The following AVL9 variants were observed in gnomAD, a reference collection of about 807,000 sequenced individuals.
AVL9 encodes the protein late secretory pathway protein AVL9 homolog.
In AVL9, 49 loss-of-function variants were observed where a neutral mutation model predicts 79.2. The ratio of observed to expected loss-of-function variants is 0.62; its 90% CI spans 0.49 to 0.79. AVL9 has a LOEUF of 0.79. Ranked by LOEUF, AVL9 falls within the 30% of genes least tolerant of loss-of-function variation. AVL9 has a pLI of 0.00. For missense variants in AVL9, 682 were observed against 776.8 expected (o/e 0.88, Z 1.45); for synonymous variants, 299 against 280.6 (o/e 1.07, Z -0.65).
chr7:32,570,021 G>T lies in AVL9; in HGVS notation c.1217G>T (p.Gly406Val). 1.2e-6 allele frequency: 2 copies of T among 1,614,054 alleles called. No homozygotes were observed. The highest frequency in any genetic ancestry group is 1.7e-6 in the Non-Finnish European group (2 of 1,179,954). ...TTCTATTACTCTTCTAATTCATAGGGATATCTGTGTTTGCCTTACATGGCA... is the reference window on the plus strand; with the variant it reads ...TTCTATTACTCTTCTAATTCATAGGTATATCTGTGTTTGCCTTACATGGCA... The part of the protein sequence containing the change: ...YGMPLAIFTK[G>V]YLCLPYMALQ... Residue 406 changes from glycine (G) to valine (V), a missense_variant and splice_region_variant, in exon 11 of 16, where the codon GGA becomes GTA. Gly to Val is a moderately radical substitution (Grantham distance 109, BLOSUM62 -3). Transcript: ENST00000318709.
At chr7:32,568,936 A>G (rs1177953553) in intron 10 of AVL9, among the ~76,000 whole-genome samples, 1 of 152,220 alleles carries the variant, frequency 6.6e-6, no homozygotes, top group East Asian at 1.9e-4. Flanking sequence ...GACATTTTCA[A>G]GAGTAAGAAT....
chr7:32,551,447 T>C (rs1476894460), intron 5 of AVL9, 24 bp downstream of exon 5: 2 of 1,326,506 alleles, frequency 1.5e-6, no homozygotes, highest in African/African-American at 1.5e-5. Flanking sequence ...CCTCTATAGA[T>C]GTGTTTGGCT....
chr7:32,544,392 ACTGT>A (rs371097556), intron 2 of AVL9, among the ~76,000 whole-genome samples: 186 of 152,234 alleles, frequency 1.2e-3, no homozygotes, highest in African/African-American at 4.3e-3. Flanking sequence ...GGCTTTTATG[ACTGT>A]CTACTTTCTT....
chr7:32,505,702 GTTCT>G (rs1335201157), intron 1 of AVL9, among the ~76,000 whole-genome samples: 1 of 152,016 alleles, frequency 6.6e-6, no homozygotes, highest in Non-Finnish European at 1.5e-5. Context: ...CTCCACTTGC[GTTCT>G]TTAATTTTGA....
chr7:32,495,854 C>T (rs1583469348), intron 1 of AVL9, 52 bp downstream of exon 1: 4 of 1,178,766 alleles, frequency 3.4e-6, no homozygotes, highest in Non-Finnish European at 4.3e-6. Context: ...TCGCCCCTTC[C>T]GGGGCCCCCC....
At chr7:32,547,896 G>A (rs1789597322) in intron 3 of AVL9, among the ~76,000 whole-genome samples, 1 of 152,160 alleles carries the variant, frequency 6.6e-6, no homozygotes, top group Non-Finnish European at 1.5e-5. Flanking sequence ...GTACACTAGA[G>A]GAGGAAGTCT....
chr7:32,516,614 A>C (rs1787909520), intron 1 of AVL9, among the ~76,000 whole-genome samples: 1 of 152,260 alleles, frequency 6.6e-6, no homozygotes, highest in Non-Finnish European at 1.5e-5. Context: ...AGGCTTGTCC[A>C]AGAAATGAAT....
Position 32,580,694 on chromosome 7 carries a change from G to A in AVL9, c.1743-108G>A. ...TCTTTTCTCAGTAATTCTAATTTTGGATGGTTACAGAGTGACTATTGTGTG... is the reference window on the plus strand; with the variant it reads ...TCTTTTCTCAGTAATTCTAATTTTGAATGGTTACAGAGTGACTATTGTGTG... On this transcript the variant is annotated intron_variant, in intron 14 of 15. Transcript: ENST00000318709. The A allele has an allele frequency of 1.7e-5, 11 of 649,468 alleles. 1 individual carries two copies. The highest frequency in any genetic ancestry group is 5.4e-4 in the Middle Eastern group (2 of 3,686). The allele number at this position is 649,468 out of a possible 1,614,324, so 40.2% of individuals were successfully genotyped here.
intron 1 of AVL9, among the ~76,000 whole-genome samples, chr7:32,527,577 C>CT (rs1388080137): frequency 1.3e-5 from 2 of 152,150 alleles, no homozygotes; most frequent in East Asian, 3.9e-4. Context: ...TAATGAATGC[C>CT]TGGCCATGTC....
At chr7:32,571,012 C>T (rs1427493845) in intron 11 of AVL9, among the ~76,000 whole-genome samples, 4 of 144,490 alleles carry the variant, frequency 2.8e-5, no homozygotes, top group African/African-American at 1.0e-4. Flanking sequence ...GGTAGATCAC[C>T]TGAGGTCAGG....
intron 1 of AVL9, among the ~76,000 whole-genome samples, chr7:32,541,070 T>G (rs920227322): frequency 6.6e-6 from 1 of 151,638 alleles, no homozygotes; most frequent in African/African-American, 2.4e-5. Flanking sequence ...TCTGGCTAAT[T>G]TTTTGTATTT....
At chr7:32,579,628 TAC>T (rs2128156332) in intron 13 of AVL9, among the ~76,000 whole-genome samples, 1 of 85,042 alleles carries the variant, frequency 1.2e-5, no homozygotes, top group African/African-American at 4.7e-5. Flanking sequence ...ATATATATAA[TAC>T]ACTTTTTTCT....
chr7:32,564,089 A>G (rs1790450986), intron 10 of AVL9, among the ~76,000 whole-genome samples: 1 of 152,146 alleles, frequency 6.6e-6, no homozygotes, highest in South Asian at 2.1e-4. Flanking sequence ...TCAAGAGGGA[A>G]ATTAACTGTA....
intron 14 of AVL9, 70 bp downstream of exon 14, chr7:32,580,342 T>G: frequency 7.9e-7 from 1 of 1,259,676 alleles, no homozygotes; most frequent in South Asian, 1.3e-5. Flanking sequence ...CATTGCTAAT[T>G]GGGAATTGTT....
At chr7:32,565,353 A>G (rs1382690214) in intron 10 of AVL9, among the ~76,000 whole-genome samples, 1 of 152,156 alleles carries the variant, frequency 6.6e-6, no homozygotes, top group East Asian at 1.9e-4. Context: ...TAAGATCAGG[A>G]GTTTGAGACC....
intron 3 of AVL9, among the ~76,000 whole-genome samples, chr7:32,546,265 T>TGTA (rs1789496917): frequency 6.6e-6 from 1 of 152,092 alleles, no homozygotes. Context: ...TGAGTACCTG[T>TGTA]GTACCCATCA....
chr7:32,548,182 C>G (rs771773495), intron 3 of AVL9, among the ~76,000 whole-genome samples: 9 of 29,360 alleles, frequency 3.1e-4, no homozygotes, highest in Non-Finnish European at 7.3e-4. Context: ...GAGTCTCACT[C>G]TTTCGCCCAG....
intron 6 of AVL9, 30 bp from the exon 7 acceptor site, chr7:32,553,697 C>T: frequency 6.3e-7 from 1 of 1,583,582 alleles, no homozygotes; most frequent in Non-Finnish European, 8.6e-7. Context: ...ACATTGTAGT[C>T]ACACTTGAGC....
At chr7:32,526,536 A>T (rs1788407567) in intron 1 of AVL9, among the ~76,000 whole-genome samples, 1 of 151,858 alleles carries the variant, frequency 6.6e-6, no homozygotes, top group Non-Finnish European at 1.5e-5. Flanking sequence ...CTGACTGGCT[A>T]AAAAAAACAC....
Sources: allele counts gnomAD v4.1 joint callset (sites outside exome capture counted in the v4.1 genomes callset), GRCh38; gene constraint gnomAD v4.1.1; transcripts MANE v1.5; gene names NCBI Gene and HGNC (gene_info 2026-07-23, HGNC 2026-07-21).